GSTT4: variants seen among roughly 807,000 people sequenced by gnomAD.
GSTT4 encodes the protein glutathione S-transferase theta 4, also known as glutathione S-transferase theta-4.
At chr22:23,990,980 C>G in the GSTT4 span, among the ~76,000 whole-genome samples, 1 of 83,092 alleles carries the variant, frequency 1.2e-5, no homozygotes, top group African/African-American at 3.6e-5. Context: ...AGGCCAGCCT[C>G]GGAAACACAG....
At chr22:23,992,052 CAAAAAA>C in the GSTT4 span, among the ~76,000 whole-genome samples, 17 of 71,190 alleles carry the variant, frequency 2.4e-4, no homozygotes, top group African/African-American at 5.2e-4. Context: ...TACTCCGTCT[CAAAAAA>C]AAAAAAAAAA....
chr22:24,001,573 A>G (rs1359231778), intron 2 of GSTT4, among the ~76,000 whole-genome samples: 2 of 152,256 alleles, frequency 1.3e-5, no homozygotes, highest in African/African-American at 4.8e-5. Context: ...GGGGAACAAC[A>G]CGTGTTGAAT....
At chr22:23,998,104 T>C (rs1211848886), downstream of GSTT4, among the ~76,000 whole-genome samples, 11 of 152,198 alleles carry the variant, frequency 7.2e-5, no homozygotes, top group Non-Finnish European at 5.9e-5. Context: ...GAATATTCCA[T>C]GTGCTCTTTA....
rs2034150058 is a variant in GSTT4, at chr22:23,998,473, A to C, written c.*69T>G. 1.5e-5 allele frequency: 1 copy of C among 65,886 alleles called. No homozygotes were observed. 4.1% of individuals were successfully genotyped at this position (65,886 alleles called of 1,614,324 possible). A position where few individuals can be genotyped will look rare whatever the true frequency, so the allele number is the denominator to read the frequency against. ...GTTTTTTTGTTTTTTTTTTTTTAAC[A>C]TTTCCTTTAAGGAAGGTGGCTCAGA... On this transcript the variant is annotated 3_prime_UTR_variant, in exon 5 of 5. Coordinates refer to ENST00000621179, the MANE Select transcript of GSTT4 (RefSeq NM_001358664.2).
At chr22:23,996,472 T>C (rs2034116703), downstream of GSTT4, among the ~76,000 whole-genome samples, 3 of 69,034 alleles carry the variant, frequency 4.3e-5, no homozygotes, top group South Asian at 1.3e-3. Flanking sequence ...AGTATGGTGT[T>C]AGTTATAGGT....
downstream of GSTT4, among the ~76,000 whole-genome samples, chr22:23,995,146 T>G (rs1165541613): frequency 6.8e-6 from 1 of 146,200 alleles, no homozygotes; most frequent in Admixed American, 6.9e-5. Context: ...TGTTTGTTTT[T>G]TTTTTGAGTC....
rs1263824123 is a variant in GSTT4, at chr22:24,005,312, A to C, written c.45T>G (p.Arg15=). Residue 15 remains arginine, a synonymous_variant, in exon 1 of 5, where the codon CGT becomes CGG. Transcript: ENST00000621179. ...GCTTCTTCGAGAAGATGTAGACGGC[A>C]CGGCAGGGTGCTGACAGCAGGTCCA... ...LYMDLLSAPC[R]AVYIFSKKHD... The C allele has an allele frequency of 6.5e-6, 1 of 153,292 alleles. No individual in the cohort carries two copies. The highest frequency in any genetic ancestry group is 2.4e-5 in the African/African-American group (1 of 41,496). The allele number at this position is 153,292 out of a possible 1,614,324, so 9.5% of individuals were successfully genotyped here. A position where few individuals can be genotyped will look rare whatever the true frequency, so the allele number is the denominator to read the frequency against.
downstream of GSTT4, among the ~76,000 whole-genome samples, chr22:23,994,562 T>TG (rs2034097835): frequency 2.0e-5 from 3 of 150,998 alleles, no homozygotes; most frequent in South Asian, 6.3e-4. Context: ...AGCATAATGG[T>TG]GTCAAGGTTC....
intron 2 of GSTT4, among the ~76,000 whole-genome samples, chr22:24,003,149 T>TG (rs758537594): frequency 6.6e-6 from 1 of 152,222 alleles, no homozygotes; most frequent in Non-Finnish European, 1.5e-5. Context: ...GCTTTTTTTT[T>TG]GTTTGTTTTA....
intron 3 of GSTT4, among the ~76,000 whole-genome samples, 191 bp downstream of exon 3, chr22:24,000,984 T>C (rs1027595013): frequency 1.9e-5 from 2 of 102,908 alleles, no homozygotes; most frequent in Non-Finnish European, 1.9e-5. Flanking sequence ...GACTCTTTCA[T>C]GCCCATTGTT....
chr22:23,997,244 G>T (rs6004014), downstream of GSTT4, among the ~76,000 whole-genome samples: 37,338 of 151,362 alleles, frequency 0.25, 5,767 homozygotes, highest in African/African-American at 0.47. Context: ...TTGAGATAAG[G>T]TTCTTCTATG....
chr22:23,989,729 G>T, the GSTT4 span, among the ~76,000 whole-genome samples: 3 of 150,868 alleles, frequency 2.0e-5, no homozygotes, highest in Non-Finnish European at 4.4e-5. Flanking sequence ...AACTCTCAAG[G>T]CTCCCTCCCC....
At chr22:23,992,334 C>A in the GSTT4 span, among the ~76,000 whole-genome samples, 1 of 143,294 alleles carries the variant, frequency 7.0e-6, no homozygotes, top group East Asian at 2.1e-4. Flanking sequence ...AAATTAATCA[C>A]CATGACACGA....
In GSTT4 at chr22:23,999,242, A is replaced by G. The variant is rs567884152; in HGVS notation, c.529-503T>C. 9.3e-5 allele frequency among the ~76,000 whole-genome samples: 14 copies of G among 151,022 alleles called. No homozygotes were observed. In the East Asian group the frequency reaches 2.7e-3, roughly 30 times the overall value. On this transcript the variant is annotated intron_variant, in intron 4 of 4. Coordinates refer to ENST00000621179, the MANE Select transcript of GSTT4 (RefSeq NM_001358664.2). Reference sequence around the variant, plus strand: ...CCCAAGATCTTTGGGAAGCCCAAGAATGGGTGTGTGTGGGTGAAATGTAAG... The same window carrying G: ...CCCAAGATCTTTGGGAAGCCCAAGAGTGGGTGTGTGTGGGTGAAATGTAAG...
At chr22:24,003,304 T>TG (rs1444884815) in intron 2 of GSTT4, among the ~76,000 whole-genome samples, 169 of 78,744 alleles carry the variant, frequency 2.1e-3, no homozygotes, top group Middle Eastern at 6.6e-3. Context: ...CTCTGCCTCC[T>TG]GGCTCAAGCA....
chr22:24,002,258 G>A (rs1474963706), intron 2 of GSTT4, among the ~76,000 whole-genome samples: 77 of 152,268 alleles, frequency 5.1e-4, no homozygotes, highest in Non-Finnish European at 9.4e-4. Flanking sequence ...GTGAGCCCGA[G>A]GGGGCAGAAT....
chr22:23,997,399 T>G (rs1311390463), downstream of GSTT4, among the ~76,000 whole-genome samples: 2 of 151,910 alleles, frequency 1.3e-5, no homozygotes, highest in African/African-American at 4.8e-5. Context: ...TTAAAAAATA[T>G]ATTTTTTAGA....
the GSTT4 span, among the ~76,000 whole-genome samples, chr22:23,989,599 C>G: frequency 6.0e-3 from 898 of 148,948 alleles, 16 homozygotes; most frequent in African/African-American, 0.02. Flanking sequence ...CTGTCAATAC[C>G]CCAGAGTCCC....
At chr22:23,990,837 G>A in the GSTT4 span, among the ~76,000 whole-genome samples, 7 of 94,746 alleles carry the variant, frequency 7.4e-5, no homozygotes, top group African/African-American at 2.0e-4. Flanking sequence ...GTATTTTGAA[G>A]AATGTTTTGT....
Sources: gnomAD v4.1 joint callset for allele counts (sites outside exome capture counted in the v4.1 genomes callset) on GRCh38, gnomAD v4.1.1 for gene constraint, MANE v1.5 for transcripts, NCBI Gene and HGNC (gene_info 2026-07-23, HGNC 2026-07-21) for gene names.